DACH2: variants seen among roughly 807,000 people sequenced by gnomAD.
DACH2 encodes the protein dachshund family transcription factor 2.
In DACH2, 17 loss-of-function variants were observed where a neutral mutation model predicts 35.8. The ratio of observed to expected loss-of-function variants is 0.48; its 90% confidence interval spans 0.33 to 0.71. The LOEUF is 0.71. DACH2 is among the 30% of genes least tolerant of loss of function. DACH2 has a pLI of 0.02. For missense variants in DACH2, 469 were observed against 472.7 expected, an observed-to-expected ratio of 0.99 and a Z score of 0.07; for synonymous variants, 195 against 177.3, an observed-to-expected ratio of 1.10 and a Z score of -0.79.
rs1467571161 is a variant in DACH2 at position 86,667,466 on chromosome X, TGAAA to T, written c.772+16311_772+16314del. 2.0e-3 allele frequency among the ~76,000 whole-genome samples: 140 copies of T among 69,064 alleles called. 2 individuals are homozygous for T. The highest frequency in any genetic ancestry group is 6.3e-3 in the African/African-American group (116 of 18,294). The allele number at this position is 69,064 out of a possible 115,157, so 60.0% of individuals were successfully genotyped here. A position where few individuals can be genotyped will look rare whatever the true frequency, so the allele number is the denominator to read the frequency against. ...AGAAGAAAGAGAAAGAAAGAATGAA[TGAAA>T]GAAAGAAAGAAGGAAGGAAAGAAAG... On this transcript the variant is annotated intron_variant, in intron 4 of 11. Transcript: ENST00000373125.
intron 4 of DACH2, among the ~76,000 whole-genome samples, chrX:86,673,667 A>G (rs1034288220): frequency 2.7e-5 from 3 of 111,114 alleles, no homozygotes; most frequent in Non-Finnish European, 5.7e-5. Context: ...TTGTAGTGTG[A>G]GGACATGAGA....
At chrX:86,398,229 G>A (rs1428017631) in intron 2 of DACH2, among the ~76,000 whole-genome samples, 2 of 112,141 alleles carry the variant, frequency 1.8e-5, no homozygotes, top group African/African-American at 6.5e-5. Flanking sequence ...GGGATCGGTG[G>A]TGATATCCCC....
intron 5 of DACH2, among the ~76,000 whole-genome samples, chrX:86,700,534 TAA>T (rs142564628): frequency 2.4e-4 from 25 of 102,358 alleles, no homozygotes; most frequent in African/African-American, 4.6e-4. Context: ...TAACCCCAGT[TAA>T]AAAAAAAAAG....
chrX:86,653,214 C>G (rs1202840321), intron 4 of DACH2, among the ~76,000 whole-genome samples: 1 of 112,067 alleles, frequency 8.9e-6, no homozygotes, highest in Non-Finnish European at 1.9e-5. Context: ...TTGTTTTTGT[C>G]AGCTTTATTA....
chrX:86,178,911 A>G (rs950099739), intron 1 of DACH2, among the ~76,000 whole-genome samples: 2 of 112,027 alleles, frequency 1.8e-5, no homozygotes, highest in East Asian at 5.6e-4. Context: ...AAAATGAAAC[A>G]GTTTTCAGAA....
chrX:86,823,215 G>A (rs751579503), intron 11 of DACH2, among the ~76,000 whole-genome samples: 67 of 111,934 alleles, frequency 6.0e-4, no homozygotes, highest in Middle Eastern at 4.7e-3. Flanking sequence ...GATTACAGGT[G>A]TGAGCCACCA....
intron 1 of DACH2, among the ~76,000 whole-genome samples, chrX:86,180,751 A>G (rs1233507783): frequency 9.1e-6 from 1 of 110,414 alleles, no homozygotes; most frequent in East Asian, 2.8e-4. Context: ...ACTACAGTCT[A>G]TCTGTGTTTA....
At chrX:86,699,649 A>G (rs2041116271) in intron 5 of DACH2, among the ~76,000 whole-genome samples, 1 of 111,607 alleles carries the variant, frequency 9.0e-6, no homozygotes, top group African/African-American at 3.3e-5. Flanking sequence ...AAACAGAGCC[A>G]AACCATATCA....
intron 1 of DACH2, among the ~76,000 whole-genome samples, chrX:86,183,796 G>A (rs1569294396): frequency 9.0e-6 from 1 of 111,389 alleles, no homozygotes; most frequent in African/African-American, 3.3e-5. Context: ...GTGTGAATCC[G>A]TCCGGTCTTG....
intron 11 of DACH2, 44 bp from the exon 12 acceptor site, chrX:86,832,062 G>T (rs778094891): frequency 1.0e-6 from 1 of 959,112 alleles, no homozygotes; most frequent in East Asian, 3.1e-5. Flanking sequence ...GCACGTATCA[G>T]AATGACTCTT....
intron 1 of DACH2, among the ~76,000 whole-genome samples, chrX:86,369,877 G>T (rs2035860918): frequency 9.0e-6 from 1 of 111,162 alleles, no homozygotes; most frequent in South Asian, 3.8e-4. Flanking sequence ...TACAAATCAT[G>T]TATCATAATT....
chrX:86,775,516 T>C (rs2042023588), intron 7 of DACH2, among the ~76,000 whole-genome samples: 1 of 111,671 alleles, frequency 9.0e-6, no homozygotes, highest in Admixed American at 9.5e-5. Context: ...TGAAACAGTT[T>C]CATCCTGAAA....
intron 2 of DACH2, among the ~76,000 whole-genome samples, chrX:86,491,503 T>C (rs2038092241): frequency 8.9e-6 from 1 of 112,092 alleles, no homozygotes; most frequent in Non-Finnish European, 1.9e-5. Context: ...CCAACATAAA[T>C]GTTTTCTTTT....
chrX:86,619,394 C>A (rs1234645110), intron 3 of DACH2, among the ~76,000 whole-genome samples: 1 of 111,868 alleles, frequency 8.9e-6, no homozygotes, highest in Non-Finnish European at 1.9e-5. Flanking sequence ...CCAGAAAAAA[C>A]AAATCAAGGC....
intron 1 of DACH2, among the ~76,000 whole-genome samples, chrX:86,202,282 A>G (rs1247799622): frequency 9.0e-6 from 1 of 111,427 alleles, no homozygotes; most frequent in Admixed American, 9.6e-5. Flanking sequence ...ACCAATTATA[A>G]TACTATAGAC....
At chrX:86,567,969 G>T (rs759172259) in intron 3 of DACH2, among the ~76,000 whole-genome samples, 2 of 111,199 alleles carry the variant, frequency 1.8e-5, no homozygotes, top group Admixed American at 1.9e-4. Context: ...AATATTATTC[G>T]CTGCTAAAAG....
At chrX:86,529,367 A>G (rs2038679092) in intron 3 of DACH2, among the ~76,000 whole-genome samples, 2 of 107,864 alleles carry the variant, frequency 1.9e-5, no homozygotes, top group Admixed American at 9.9e-5. Context: ...CTTTCTATCA[A>G]ACTGTATGAT....
chrX:86,389,167 C>A (rs2036165255), intron 2 of DACH2, among the ~76,000 whole-genome samples: 2 of 111,769 alleles, frequency 1.8e-5, no homozygotes, highest in South Asian at 7.4e-4. Flanking sequence ...AGTTTTCCAC[C>A]AAATATCTTA....
intron 3 of DACH2, among the ~76,000 whole-genome samples, chrX:86,598,746 C>G (rs939951598): frequency 1.8e-5 from 2 of 109,427 alleles, no homozygotes; most frequent in African/African-American, 6.6e-5. Flanking sequence ...ACTTCCCACA[C>G]TGTTCCAAAA....
Sources: allele counts gnomAD v4.1 joint callset (sites outside exome capture counted in the v4.1 genomes callset), GRCh38; gene constraint gnomAD v4.1.1; transcripts MANE v1.5; gene names NCBI Gene and HGNC (gene_info 2026-07-23, HGNC 2026-07-21).